Variants in SYN3 observed in about 807,000 individuals in gnomAD.
SYN3 encodes the protein synapsin III.
A neutral mutation model predicts 65.8 loss-of-function variants in SYN3; 35 were observed. The observed-to-expected ratio is 0.53, with a 90% CI of 0.41 to 0.70. SYN3 has a LOEUF of 0.70. Ranked by LOEUF, SYN3 falls within the 30% of genes least tolerant of loss-of-function variation. SYN3 has a pLI of 0.00. For missense variants in SYN3, 680 were observed against 749.0 expected, an observed-to-expected ratio of 0.91 and a Z score of 1.08; for synonymous variants, 270 against 292.9, an observed-to-expected ratio of 0.92 and a Z score of 0.80.
At chr22:32,610,643 CGCA>C (rs1569088655) in intron 6 of SYN3, among the ~76,000 whole-genome samples, 17 of 135,378 alleles carry the variant, frequency 1.3e-4, no homozygotes, top group Non-Finnish European at 2.6e-4. Flanking sequence ...AGTGCAATCA[CGCA>C]ATCTTGGCTC....
intron 2 of SYN3, among the ~76,000 whole-genome samples, chr22:32,987,727 A>G (rs759385318): frequency 6.6e-6 from 1 of 152,120 alleles, no homozygotes; most frequent in Non-Finnish European, 1.5e-5. Flanking sequence ...TGTGGGCAGG[A>G]TCTGATCACA....
chr22:32,958,382 C>T (rs988610311), intron 3 of SYN3, among the ~76,000 whole-genome samples: 35 of 152,122 alleles, frequency 2.3e-4, no homozygotes, highest in African/African-American at 8.2e-4. Flanking sequence ...TAGCAATACC[C>T]AAGGGTGGTG....
intron 6 of SYN3, among the ~76,000 whole-genome samples, chr22:32,647,039 C>T (rs908758455): frequency 3.9e-5 from 6 of 152,222 alleles, no homozygotes; most frequent in Admixed American, 3.9e-4. Flanking sequence ...AGCTTGAATA[C>T]AGGTCTGTGT....
intron 4 of SYN3, 40 bp from the exon 5 acceptor site, chr22:32,869,165 G>A (rs770956846): frequency 1.3e-6 from 2 of 1,594,264 alleles, no homozygotes; most frequent in South Asian, 2.2e-5. Flanking sequence ...CTGGGACATT[G>A]ATGAAACACC....
chr22:32,903,929 C>T lies in SYN3; in HGVS notation c.461+27461G>A, dbSNP rs538082131. The stretch of plus-strand genomic sequence containing the variant: ...TTTGCACCTACTATGTATTGGGCCC[C>T]GGGCCAGGCCCAGTACATAGTAGTA... On this transcript the variant is annotated intron_variant, in intron 4 of 13. Transcript: ENST00000358763. Among the ~76,000 whole-genome samples, 5 of 152,292 alleles carry T rather than the reference C, an allele frequency of 3.3e-5. No homozygotes were observed. The East Asian group carries it at 7.7e-4, about 24-fold the overall frequency.
At chr22:32,746,400 T>C (rs1809076610) in intron 6 of SYN3, among the ~76,000 whole-genome samples, 1 of 151,948 alleles carries the variant, frequency 6.6e-6, no homozygotes, top group Non-Finnish European at 1.5e-5. Context: ...AGAAAGTCAC[T>C]TCAGCTCTCT....
At chr22:32,722,720 C>A (rs1326082170) in intron 6 of SYN3, among the ~76,000 whole-genome samples, 1 of 152,160 alleles carries the variant, frequency 6.6e-6, no homozygotes, top group African/African-American at 2.4e-5. Context: ...TGACTCAAGG[C>A]TGCTAAGAAG....
At chr22:32,622,725 C>CAAAAA (rs777908921) in intron 6 of SYN3, among the ~76,000 whole-genome samples, 1 of 78,202 alleles carries the variant, frequency 1.3e-5, no homozygotes. Context: ...AAATCGGATG[C>CAAAAA]AAAAAAAAAA....
intron 2 of SYN3, among the ~76,000 whole-genome samples, chr22:32,997,065 G>T (rs901018694): frequency 1.3e-5 from 2 of 152,226 alleles, no homozygotes; most frequent in Non-Finnish European, 2.9e-5. Flanking sequence ...CTTCAGGTGG[G>T]AGAGGTTGGG....
intron 6 of SYN3, among the ~76,000 whole-genome samples, chr22:32,609,651 A>T (rs371626567): frequency 2.0e-5 from 3 of 151,234 alleles, no homozygotes; most frequent in East Asian, 2.0e-4. Flanking sequence ...TAATTAAAAA[A>T]AAATAAATAA....
chr22:32,627,384 C>T (rs2059683323), intron 6 of SYN3, among the ~76,000 whole-genome samples: 1 of 152,126 alleles, frequency 6.6e-6, no homozygotes, highest in African/African-American at 2.4e-5. Flanking sequence ...TCTGTGAGCC[C>T]TAATGCTCTG....
At chr22:32,514,153 G>C (rs1166213300) in intron 13 of SYN3, among the ~76,000 whole-genome samples, 2 of 152,198 alleles carry the variant, frequency 1.3e-5, no homozygotes, top group East Asian at 3.9e-4. Context: ...GGCATTGCTG[G>C]AGAGTAGCTT....
In SYN3 at chr22:32,646,271, TG is replaced by T. The variant is rs370732801; in HGVS notation, c.712-49536del. Among the ~76,000 whole-genome samples, 819 of 152,302 alleles carry T rather than the reference TG, an allele frequency of 5.4e-3. 6 individuals are homozygous for T. Among genetic ancestry groups the T allele is most frequent in the African/African-American group, 0.018 (759 of 41,562 alleles). On this transcript the variant is annotated intron_variant, in intron 6 of 13. Transcript: ENST00000358763. ...ATGCCATTTGGATCAATAACATTGG[TG>T]TTTCCTCCCACTGTCTTGGAACTAA...
chr22:32,590,472 G>T (rs1462987366), intron 7 of SYN3, among the ~76,000 whole-genome samples: 2 of 152,136 alleles, frequency 1.3e-5, no homozygotes, highest in African/African-American at 4.8e-5. Context: ...TGAATTTCCA[G>T]CAATTATAAA....
At chr22:32,935,841 A>G (rs1465013213) in intron 3 of SYN3, among the ~76,000 whole-genome samples, 3 of 152,222 alleles carry the variant, frequency 2.0e-5, no homozygotes, top group Non-Finnish European at 4.4e-5. Flanking sequence ...TAAGCTGTTC[A>G]ATATACTAGC....
rs2048944906 is a variant in SYN3, at chr22:32,874,950, G to A, written c.462-5825C>T. ...ATGGGGAGGGGGAATTCAAAACATT[G>A]AAACAAGCTCCATGCTCCTGCAGAC... is the stretch of plus-strand genomic sequence containing the variant. On this transcript the variant is annotated intron_variant, in intron 4 of 13. Coordinates refer to ENST00000358763, the MANE Select transcript of SYN3 (RefSeq NM_003490.4). 1.3e-5 allele frequency among the ~76,000 whole-genome samples: 2 copies of A among 152,304 alleles called. 1 individual carries two copies. Among genetic ancestry groups the A allele is most frequent in the South Asian group, 4.1e-4 (2 of 4,828 alleles).
chr22:32,689,858 A>G (rs2060639492), intron 6 of SYN3, among the ~76,000 whole-genome samples: 1 of 152,144 alleles, frequency 6.6e-6, no homozygotes, highest in Non-Finnish European at 1.5e-5. Context: ...GTTTTTCATG[A>G]ATGGGTTCTC....
chr22:32,613,045 C>T (rs2059467519), intron 6 of SYN3, among the ~76,000 whole-genome samples: 1 of 152,018 alleles, frequency 6.6e-6, no homozygotes, highest in South Asian at 2.1e-4. Flanking sequence ...GGCACTTCCT[C>T]TTCTCTCTCT....
rs2057702161 is a variant in SYN3, at chr22:32,512,514, T to A, written c.*1178A>T. The A allele has an allele frequency of 6.6e-6, 1 of 152,178 alleles. No homozygotes were observed. The highest frequency in any genetic ancestry group is 6.5e-5 in the Admixed American group (1 of 15,280). 9.4% of individuals were successfully genotyped at this position (152,178 alleles called of 1,614,324 possible). On this transcript the variant is annotated 3_prime_UTR_variant, in exon 14 of 14. Coordinates refer to ENST00000358763, the MANE Select transcript of SYN3 (RefSeq NM_003490.4). ...CTGGGAAGGGAGTTAGACTACTTTT[T>A]CCAGCTCTGCAACTAACTTATTGAG... is the stretch of plus-strand genomic sequence containing the variant.
Sources: allele counts gnomAD v4.1 joint callset (sites outside exome capture counted in the v4.1 genomes callset), GRCh38; gene constraint gnomAD v4.1.1; transcripts MANE v1.5; gene names NCBI Gene and HGNC (gene_info 2026-07-23, HGNC 2026-07-21).